The following FRMPD3 variants were observed in gnomAD, a reference collection of about 807,000 sequenced individuals.
The protein encoded by FRMPD3 is FERM and PDZ domain-containing protein 3.
FRMPD3 carries 42 observed loss-of-function variants against 97.9 expected under a neutral mutation model. That is an observed-to-expected ratio of 0.43 (90% CI 0.34 to 0.55). The LOEUF is 0.55. Ranked by LOEUF, FRMPD3 falls within the 20% of genes least tolerant of loss-of-function variation. The probability of loss-of-function intolerance (pLI) is 0.03; values close to 1 mark genes in which losing one functional copy is unlikely to be tolerated. For missense variants in FRMPD3, 1,303 were observed against 1,457.7 expected, an observed-to-expected ratio of 0.89 and a Z score of 1.73; for synonymous variants, 577 against 581.1, an observed-to-expected ratio of 0.99 and a Z score of 0.10.
chrX:107,489,303 C>T (rs1245409342), intron 1 of FRMPD3, among the ~76,000 whole-genome samples: 1 of 110,834 alleles, frequency 9.0e-6, no homozygotes, highest in Non-Finnish European at 1.9e-5. Flanking sequence ...CATACGTGTG[C>T]ATGTGTCTTT....
At chrX:107,464,631 G>C (rs1195617814) in intron 1 of FRMPD3, among the ~76,000 whole-genome samples, 1 of 111,800 alleles carries the variant, frequency 8.9e-6, no homozygotes, top group Non-Finnish European at 1.9e-5. Context: ...GAGTAGCACA[G>C]AGTACAGTAG....
At chrX:107,500,294 C>T (rs1044124123) in intron 1 of FRMPD3, among the ~76,000 whole-genome samples, 1 of 111,090 alleles carries the variant, frequency 9.0e-6, no homozygotes, top group Non-Finnish European at 1.9e-5. Context: ...CCAGGGTTGC[C>T]AGGTAGGATT....
At chrX:107,465,214 A>G (rs1299680438) in intron 1 of FRMPD3, among the ~76,000 whole-genome samples, 2 of 111,686 alleles carry the variant, frequency 1.8e-5, no homozygotes, top group Admixed American at 9.5e-5. Flanking sequence ...GCTCACACCT[A>G]TAATCCCAGC....
chrX:107,520,736 T>C (rs1922481839), intron 1 of FRMPD3, among the ~76,000 whole-genome samples: 1 of 112,037 alleles, frequency 8.9e-6, no homozygotes, highest in East Asian at 2.8e-4. Flanking sequence ...GGCCCTGGAG[T>C]TAGGCAGACC....
At chrX:107,460,773 G>A (rs1931456371) in intron 1 of FRMPD3, among the ~76,000 whole-genome samples, 1 of 111,155 alleles carries the variant, frequency 9.0e-6, no homozygotes, top group Admixed American at 9.6e-5. Context: ...TGTGGACTGG[G>A]GTTCTGAAAA....
Position 107,602,223 on chromosome X carries a change from A to G in FRMPD3, c.4184A>G (p.Tyr1395Cys). Residue 1395 changes from tyrosine to cysteine, a missense_variant, in exon 15 of 15, where the codon TAC (tyrosine) becomes TGC (cysteine). Tyr to Cys is a radical substitution (Grantham distance 194, BLOSUM62 -2). Around this residue, in one of 3 missense-constraint regions of FRMPD3, gnomAD observed 764 missense variants for 820.2 expected, o/e 0.93. Coordinates refer to ENST00000683843, the MANE Select transcript of FRMPD3 (RefSeq NM_001388459.1). ...AATTACAGGAAACTGATGCGCCGCT[A>G]CAGTATCAGTGAGCTGGACCAGGGT... ...APNYRKLMRR[Y>C]SISELDQGDR... The G allele has an allele frequency of 1.7e-6, 2 of 1,209,996 alleles. No homozygotes were observed. Among genetic ancestry groups the G allele is most frequent in the Non-Finnish European group, 2.2e-6 (2 of 894,846 alleles).
At chrX:107,595,133 A>C (rs946652789) in intron 13 of FRMPD3, among the ~76,000 whole-genome samples, 3 of 110,099 alleles carry the variant, frequency 2.7e-5, no homozygotes, top group Non-Finnish European at 5.7e-5. Flanking sequence ...CCTGGCCAAC[A>C]TGGTGAAACC....
At chrX:107,490,325 T>A (rs1921625937) in intron 1 of FRMPD3, among the ~76,000 whole-genome samples, 1 of 112,213 alleles carries the variant, frequency 8.9e-6, no homozygotes, top group African/African-American at 3.2e-5. Flanking sequence ...GTGCAGGCTC[T>A]TTTTTGGTTC....
At chrX:107,483,093 A>G (rs1026182888) in intron 1 of FRMPD3, among the ~76,000 whole-genome samples, 30 of 111,536 alleles carry the variant, frequency 2.7e-4, no homozygotes, top group African/African-American at 7.8e-4. Context: ...CAGCCTCAGT[A>G]TGGAGTAGGA....
At chrX:107,450,184 C>T (rs1197796419) in intron 1 of FRMPD3, among the ~76,000 whole-genome samples, 179 bp downstream of exon 1, 7 of 111,098 alleles carry the variant, frequency 6.3e-5, no homozygotes, top group African/African-American at 2.3e-4. Flanking sequence ...TTTGGGCGGG[C>T]GGGGTAACGG....
chrX:107,497,454 C>T (rs966450128), intron 1 of FRMPD3, among the ~76,000 whole-genome samples: 2 of 112,389 alleles, frequency 1.8e-5, no homozygotes, highest in African/African-American at 6.5e-5. Context: ...TTCTCATTGC[C>T]CTGCAGCAGA....
chrX:107,527,893 G>A (rs1342235607), intron 2 of FRMPD3, among the ~76,000 whole-genome samples: 1 of 111,507 alleles, frequency 9.0e-6, no homozygotes. Flanking sequence ...CTGACCTAAG[G>A]CTCTGGAGTC....
chrX:107,532,344 G>A (rs1243305219), intron 3 of FRMPD3, among the ~76,000 whole-genome samples: 2 of 112,310 alleles, frequency 1.8e-5, no homozygotes, highest in African/African-American at 6.5e-5. Context: ...AGTGTGTTTG[G>A]CACGATTGTG....
chrX:107,506,699 C>T (rs189684197), intron 1 of FRMPD3, among the ~76,000 whole-genome samples: 1,786 of 112,132 alleles, frequency 0.016, 43 homozygotes, highest in African/African-American at 0.055. Context: ...CTGGGGGCGC[C>T]GACTGTCCCG....
chrX:107,557,967 T>C (rs1358918037), intron 8 of FRMPD3, among the ~76,000 whole-genome samples: 2 of 105,608 alleles, frequency 1.9e-5, no homozygotes. Context: ...GTTCTCCAAC[T>C]TTGTTCTTTT....
chrX:107,588,371 C>T (rs910522499), intron 13 of FRMPD3, among the ~76,000 whole-genome samples: 1 of 110,788 alleles, frequency 9.0e-6, no homozygotes, highest in South Asian at 3.9e-4. Flanking sequence ...TTTCCTGCCT[C>T]AGCCTCCCGA....
rs770980393 is a variant in FRMPD3, at chrX:107,602,563, T to C, written c.4524T>C (p.Asp1508=). The C allele has an allele frequency of 8.3e-7, 1 of 1,211,677 alleles. No individual in the cohort carries two copies. Among genetic ancestry groups the C allele is most frequent in the Non-Finnish European group, 1.1e-6 (1 of 895,537 alleles). The change falls in exon 15 of 15, where the codon GAT becomes GAC. Residue 1508 remains aspartate, a synonymous_variant. Coordinates refer to ENST00000683843, the MANE Select transcript of FRMPD3 (RefSeq NM_001388459.1). ...ACCGCAAGTGTGACATGGCAGATGA[T>C]GCCAGTGATGGCAAGGATGAGCTCT... ...FYYRKCDMAD[D]ASDGKDELSY...
intron 1 of FRMPD3, among the ~76,000 whole-genome samples, chrX:107,517,417 A>G (rs948768566): frequency 1.8e-5 from 2 of 111,805 alleles, no homozygotes; most frequent in Non-Finnish European, 1.9e-5. Context: ...AGTGAGGAAG[A>G]TGGAGGAGAG....
chrX:107,565,976 T>C, intron 12 of FRMPD3, among the ~76,000 whole-genome samples: 1 of 112,406 alleles, frequency 8.9e-6, no homozygotes, highest in Middle Eastern at 4.6e-3. Context: ...AGAGGGGGCC[T>C]GGGAAGAAGG....
Sources: allele counts gnomAD v4.1 joint callset (sites outside exome capture counted in the v4.1 genomes callset), GRCh38; gene constraint gnomAD v4.1.1; regional missense constraint gnomAD v4.1.1; transcripts MANE v1.5; gene names NCBI Gene and HGNC (gene_info 2026-07-23, HGNC 2026-07-21).